MRTFB: variants seen among roughly 807,000 people sequenced by gnomAD.
MRTFB encodes the protein myocardin-related transcription factor B.
In MRTFB, 29 loss-of-function variants were observed where a neutral mutation model predicts 104.2. That is an observed-to-expected ratio of 0.28 (90% confidence interval 0.21 to 0.38). MRTFB has a LOEUF of 0.38. Among genes scored for constraint, MRTFB ranks in the 10% least tolerant of loss-of-function variants. MRTFB has a pLI of 1.00. For missense variants in MRTFB, 1,270 were observed against 1,341.6 expected (o/e 0.95, Z 0.83); for synonymous variants, 535 against 519.5 (o/e 1.03, Z -0.41).
chr16:14,100,030 T>A (rs2035614780), intron 2 of MRTFB, among the ~76,000 whole-genome samples: 3 of 152,226 alleles, frequency 2.0e-5, no homozygotes, highest in Non-Finnish European at 4.4e-5. Context: ...TTCATAATCA[T>A]GTTATTTTTA....
At chr16:14,170,728 T>C (rs2039395650) in intron 3 of MRTFB, among the ~76,000 whole-genome samples, 1 of 152,216 alleles carries the variant, frequency 6.6e-6, no homozygotes. Flanking sequence ...TCAGAGAGTT[T>C]AGACCTGTTT....
chr16:14,142,971 T>G (rs1009711049), intron 3 of MRTFB: 8 of 150,420 alleles, frequency 5.3e-5, no homozygotes, highest in African/African-American at 2.0e-4. Context: ...CTTTAACCAC[T>G]CTCATTGTTC....
At chr16:14,189,515 A>G (rs2040083717) in intron 3 of MRTFB, among the ~76,000 whole-genome samples, 1 of 152,234 alleles carries the variant, frequency 6.6e-6, no homozygotes, top group Admixed American at 6.5e-5. Flanking sequence ...TTGTCAAAAG[A>G]GACAAATATA....
Position 14,258,711 on chromosome 16 carries a change from C to G in MRTFB, c.2764+550C>G, listed in dbSNP as rs370567924. Among the ~76,000 whole-genome samples the G allele has an allele frequency of 9.8e-5, 15 of 152,362 alleles. No individual in the cohort carries two copies. In the East Asian group the frequency reaches 1.5e-3, roughly 16 times the overall value. ...GTAATGGGATGAAAACATGCCAATACTATCTTAATTATGTTACATCAAGCC... is the reference window on the plus strand; with the variant it reads ...GTAATGGGATGAAAACATGCCAATAGTATCTTAATTATGTTACATCAAGCC... On this transcript the variant is annotated intron_variant, in intron 16 of 16. Coordinates refer to ENST00000571589, the MANE Select transcript of MRTFB (RefSeq NM_001308142.2).
chr16:14,158,610 AT>A (rs1402234828), intron 3 of MRTFB, among the ~76,000 whole-genome samples: 2 of 152,222 alleles, frequency 1.3e-5, no homozygotes, highest in Non-Finnish European at 2.9e-5. Flanking sequence ...TATGTTTAAG[AT>A]TATTAAGATG....
chr16:14,091,532 C>T (rs764075800), intron 2 of MRTFB, among the ~76,000 whole-genome samples: 2 of 152,112 alleles, frequency 1.3e-5, no homozygotes, highest in Non-Finnish European at 2.9e-5. Context: ...TTGTGCTCCC[C>T]GGCCAGGCAC....
upstream of MRTFB, among the ~76,000 whole-genome samples, chr16:14,066,524 C>T (rs967306411): frequency 2.6e-5 from 4 of 152,102 alleles, no homozygotes; most frequent in African/African-American, 2.4e-5. Context: ...CTGCCCACCT[C>T]GGCCTCCCAA....
At chr16:14,019,426 A>T in the MRTFB span, 1 of 152,240 alleles carries the variant, frequency 6.6e-6, no homozygotes, top group African/African-American at 2.4e-5. Flanking sequence ...AAGACCAGTG[A>T]ATTCCATGAG....
At chr16:13,997,168 A>C in the MRTFB span, among the ~76,000 whole-genome samples, 2 of 152,216 alleles carry the variant, frequency 1.3e-5, no homozygotes, top group African/African-American at 4.8e-5. Context: ...AGATGGCCCC[A>C]CGTTCCCCTC....
chr16:14,086,101 G>A (rs774836064), intron 2 of MRTFB, among the ~76,000 whole-genome samples: 19 of 152,172 alleles, frequency 1.2e-4, no homozygotes, highest in Non-Finnish European at 4.4e-5. Flanking sequence ...GAGATAAATT[G>A]AGCTATATTT....
the MRTFB span, among the ~76,000 whole-genome samples, chr16:14,042,538 G>A: frequency 2.0e-5 from 3 of 152,216 alleles, no homozygotes; most frequent in Non-Finnish European, 4.4e-5. Flanking sequence ...CCATGGGGAA[G>A]TTATGGTTCT....
At chr16:14,039,424 C>T in the MRTFB span, among the ~76,000 whole-genome samples, 1 of 152,220 alleles carries the variant, frequency 6.6e-6, no homozygotes, top group African/African-American at 2.4e-5. Context: ...CACAGGTCAG[C>T]CCTATTCATT....
chr16:14,158,983 A>C (rs9933911), intron 3 of MRTFB, among the ~76,000 whole-genome samples: 3,884 of 151,772 alleles, frequency 0.026, 182 homozygotes, highest in African/African-American at 0.089. Flanking sequence ...TAAAAAAAAA[A>C]AAAAAAAAAA....
At chr16:14,145,911 G>C (rs1212362878) in intron 3 of MRTFB, among the ~76,000 whole-genome samples, 2 of 152,234 alleles carry the variant, frequency 1.3e-5, no homozygotes, top group East Asian at 1.9e-4. Flanking sequence ...CACTGAAAGA[G>C]CTGCAGCCCT....
At chr16:14,178,897 AC>A (rs1226742516) in intron 3 of MRTFB, among the ~76,000 whole-genome samples, 2 of 152,016 alleles carry the variant, frequency 1.3e-5, no homozygotes, top group Non-Finnish European at 2.9e-5. Flanking sequence ...CCAGAGGTGC[AC>A]GCCACCACAC....
At chr16:14,029,445 T>TACATACAC in the MRTFB span, among the ~76,000 whole-genome samples, 11 of 85,960 alleles carry the variant, frequency 1.3e-4, no homozygotes, top group African/African-American at 4.9e-4. Context: ...TATATATATA[T>TACATACAC]ACACACACAC....
chr16:14,138,769 G>T (rs1352900287), intron 2 of MRTFB, among the ~76,000 whole-genome samples: 1 of 151,994 alleles, frequency 6.6e-6, no homozygotes, highest in Non-Finnish European at 1.5e-5. Flanking sequence ...TCAAGTAATA[G>T]ATCTATTTAT....
chr16:14,243,570 T>C (rs2042874881), intron 10 of MRTFB, among the ~76,000 whole-genome samples: 1 of 152,270 alleles, frequency 6.6e-6, no homozygotes, highest in Middle Eastern at 3.4e-3. Flanking sequence ...AGATGTTAGG[T>C]GGGGATCTCG....
chr16:14,216,637 G>C (rs1167588272), intron 6 of MRTFB, among the ~76,000 whole-genome samples: 2 of 151,630 alleles, frequency 1.3e-5, no homozygotes, highest in Non-Finnish European at 2.9e-5. Context: ...CGAGACACAG[G>C]GGATCAATTC....
Sources: allele counts gnomAD v4.1 joint callset (sites outside exome capture counted in the v4.1 genomes callset), GRCh38; gene constraint gnomAD v4.1.1; transcripts MANE v1.5; gene names NCBI Gene and HGNC (gene_info 2026-07-23, HGNC 2026-07-21).